PIP5K1A: variants seen among roughly 807,000 people sequenced by gnomAD.
PIP5K1A encodes the protein phosphatidylinositol-4-phosphate 5-kinase type 1 alpha.
PIP5K1A carries 46 observed loss-of-function variants against 72.9 expected under a neutral mutation model. That is an observed-to-expected ratio of 0.63 (90% CI 0.50 to 0.81). The LOEUF is 0.81. Among genes scored for constraint, PIP5K1A ranks in the 30% least tolerant of loss-of-function variants. The probability of loss-of-function intolerance (pLI) is 0.00; values close to 1 mark genes in which losing one functional copy is unlikely to be tolerated. For missense variants in PIP5K1A, 458 were observed against 706.1 expected, an observed-to-expected ratio of 0.65 and a Z score of 3.98; for synonymous variants, 228 against 255.1, an observed-to-expected ratio of 0.89 and a Z score of 1.01.
chr1:151,236,529 C>A, intron 8 of PIP5K1A, 29 bp from the exon 9 acceptor site: 1 of 1,474,732 alleles, frequency 6.8e-7, no homozygotes, highest in Non-Finnish European at 9.4e-7. Flanking sequence ...TCTTCCAAGG[C>A]TCAGATCATG....
rs750861106 is a variant in PIP5K1A, at chr1:151,236,779, G to T, written c.1145+16G>T. On this transcript the variant is annotated intron_variant, in intron 9 of 15. Coordinates refer to ENST00000368888, the MANE Select transcript of PIP5K1A (RefSeq NM_001135638.2). ...CTGATGACCAGTAAGTGGGCTCAGG[G>T]CCACTAGGGGGGAGAACATAGGCCC... The T allele has an allele frequency of 3.3e-5, 52 of 1,555,318 alleles. No homozygotes were observed. Among genetic ancestry groups the T allele is most frequent in the Non-Finnish European group, 4.6e-5 (52 of 1,127,910 alleles).
rs183807609 is a variant in PIP5K1A at position 151,213,837 on chromosome 1, C to T, written c.86-10408C>T. On this transcript the variant is annotated intron_variant, in intron 1 of 15. Transcript: ENST00000368888. ...CAAAGAAAATGACAGTAAAGCCATT[C>T]CTTTAATTGTTAAATTATGTAACAT... 3.2e-3 allele frequency among the ~76,000 whole-genome samples: 480 copies of T among 151,894 alleles called. 3 individuals are homozygous for T. Among genetic ancestry groups the T allele is most frequent in the Middle Eastern group, 0.01 (3 of 294 alleles).
At chr1:151,216,814 G>A (rs756083388) in intron 1 of PIP5K1A, among the ~76,000 whole-genome samples, 11 of 149,300 alleles carry the variant, frequency 7.4e-5, no homozygotes, top group Admixed American at 2.0e-4. Flanking sequence ...AGTACATGTT[G>A]TTACTTCCAC....
chr1:151,211,904 C>T (rs1162403097), intron 1 of PIP5K1A, among the ~76,000 whole-genome samples: 5 of 151,522 alleles, frequency 3.3e-5, no homozygotes, highest in Non-Finnish European at 7.4e-5. Context: ...GAGATCGAGA[C>T]CATCCTGGCT....
intron 9 of PIP5K1A, among the ~76,000 whole-genome samples, 154 bp downstream of exon 9, chr1:151,236,917 T>C (rs1690975327): frequency 7.1e-6 from 1 of 141,316 alleles, no homozygotes; most frequent in Non-Finnish European, 1.5e-5. Context: ...TACCTCCACC[T>C]CCTGGGTTCA....
chr1:151,235,206 C>T (rs113583580), intron 8 of PIP5K1A, among the ~76,000 whole-genome samples: 2 of 152,308 alleles, frequency 1.3e-5, no homozygotes, highest in Admixed American at 6.5e-5. Context: ...CCTCAGCCTC[C>T]CAAGTAGCTG....
intron 11 of PIP5K1A, among the ~76,000 whole-genome samples, 169 bp from the exon 12 acceptor site, chr1:151,239,786 C>G (rs1290612483): frequency 1.3e-5 from 2 of 152,186 alleles, no homozygotes; most frequent in African/African-American, 4.8e-5. Flanking sequence ...CCTCAGCTTC[C>G]CAAAATGCTA....
chr1:151,203,667 T>TA (rs1012756611), intron 1 of PIP5K1A, among the ~76,000 whole-genome samples: 2 of 151,046 alleles, frequency 1.3e-5, no homozygotes, highest in African/African-American at 4.9e-5. Flanking sequence ...CTACTAAAAA[T>TA]ACAAAAATTA....
intron 1 of PIP5K1A, among the ~76,000 whole-genome samples, chr1:151,218,679 C>G (rs920924667): frequency 6.6e-6 from 1 of 151,936 alleles, no homozygotes; most frequent in African/African-American, 2.4e-5. Flanking sequence ...ACTGAAAATA[C>G]AAAAATTAGC....
At position 151,248,881 on chromosome 1, in the gene PIP5K1A, A is replaced by G. The variant is rs1188104901; in HGVS notation, c.*1016A>G. ...TTTGTGGAGCTAAGGTAAAGAGGGG[A>G]CACTTCTGTCTGTTTAACAGACAGT... On this transcript the variant is annotated 3_prime_UTR_variant, in exon 16 of 16. Transcript: ENST00000368888. The G allele has an allele frequency of 6.6e-6, 1 of 152,434 alleles. No individual in the cohort carries two copies. 9.4% of individuals were successfully genotyped at this position (152,434 alleles called of 1,614,324 possible).
intron 1 of PIP5K1A, among the ~76,000 whole-genome samples, chr1:151,222,817 AG>A (rs1366275922): frequency 6.6e-6 from 1 of 152,122 alleles, no homozygotes; most frequent in Non-Finnish European, 1.5e-5. Context: ...GGGGCAGCTG[AG>A]GGTTTTGACA....
chr1:151,243,646 T>G (rs1692081151), intron 14 of PIP5K1A, among the ~76,000 whole-genome samples: 1 of 152,208 alleles, frequency 6.6e-6, no homozygotes, highest in East Asian at 1.9e-4. Context: ...GAGTCTTCCT[T>G]TTTCATCAAA....
chr1:151,241,908 T>C (rs961248371), intron 12 of PIP5K1A, among the ~76,000 whole-genome samples: 7 of 152,124 alleles, frequency 4.6e-5, no homozygotes, highest in African/African-American at 1.7e-4. Flanking sequence ...TATGTTTCCT[T>C]TCTTCTAGGT....
chr1:151,237,661 CA>C (rs879257400), intron 9 of PIP5K1A, among the ~76,000 whole-genome samples: 215 of 142,908 alleles, frequency 1.5e-3, no homozygotes, highest in Middle Eastern at 3.7e-3. Flanking sequence ...GACCCTGTGT[CA>C]AAAAAAAAAA....
chr1:151,210,177 C>T lies in PIP5K1A; in HGVS notation c.85+11096C>T, dbSNP rs587738652. Among the ~76,000 whole-genome samples the T allele has an allele frequency of 3.3e-5, 5 of 151,516 alleles. No individual in the cohort carries two copies. In the South Asian group the frequency reaches 6.3e-4, roughly 19 times the overall value. Reference sequence around the variant, plus strand: ...GGGATTACAGGTGTGAGCCACTGCGCCCGCCCTCCCCGGCCCCCCCACTTT... The same window carrying T: ...GGGATTACAGGTGTGAGCCACTGCGTCCGCCCTCCCCGGCCCCCCCACTTT... On this transcript the variant is annotated intron_variant, in intron 1 of 15. Coordinates refer to ENST00000368888, the MANE Select transcript of PIP5K1A (RefSeq NM_001135638.2).
rs1684752913 is a variant in PIP5K1A at position 151,198,558 on chromosome 1, T to G, written c.-439T>G. ...GGCGCATGCGCAGTGCTCGGATTTT[T>G]TGCTTGGCTACCCGGAGTGAAGCGG... On this transcript the variant is annotated 5_prime_UTR_variant, in exon 1 of 16. Coordinates refer to ENST00000368888, the MANE Select transcript of PIP5K1A (RefSeq NM_001135638.2). 1.0e-5 allele frequency: 2 copies of G among 197,684 alleles called. No homozygotes were observed. Among genetic ancestry groups the G allele is most frequent in the Non-Finnish European group, 2.1e-5 (2 of 93,906 alleles). The allele number at this position is 197,684 out of a possible 1,614,324, so 12.2% of individuals were successfully genotyped here.
intron 1 of PIP5K1A, among the ~76,000 whole-genome samples, chr1:151,200,121 C>G (rs889789922): frequency 1.3e-5 from 2 of 150,692 alleles, no homozygotes; most frequent in East Asian, 3.9e-4. Flanking sequence ...GGAATGGAGT[C>G]TTGAATTGCA....
At chr1:151,226,059 G>C (rs1689077489) in intron 3 of PIP5K1A, among the ~76,000 whole-genome samples, 2 of 149,456 alleles carry the variant, frequency 1.3e-5, no homozygotes, top group Non-Finnish European at 3.0e-5. Context: ...GATTACAGGT[G>C]CATGCCACAC....
intron 1 of PIP5K1A, chr1:151,224,035 TA>T: frequency 1.7e-6 from 1 of 577,040 alleles, no homozygotes; most frequent in Non-Finnish European, 3.1e-6. Flanking sequence ...GGGTCTAGAA[TA>T]AAAATGGAAT....
Sources: allele counts gnomAD v4.1 joint callset (sites outside exome capture counted in the v4.1 genomes callset), GRCh38; gene constraint gnomAD v4.1.1; transcripts MANE v1.5; gene names NCBI Gene and HGNC (gene_info 2026-07-23, HGNC 2026-07-21).